UBE2K: variants seen among roughly 807,000 people sequenced by gnomAD.
UBE2K encodes the protein ubiquitin-conjugating enzyme E2 K.
Under a neutral mutation model 30.0 loss-of-function variants are expected in UBE2K, and 6 were observed. The observed-to-expected ratio is 0.20, with a 90% CI of 0.11 to 0.39. The LOEUF (loss-of-function observed/expected upper bound fraction) is 0.39. Ranked by LOEUF, UBE2K falls within the 10% of genes least tolerant of loss-of-function variation. The probability of loss-of-function intolerance (pLI) is 1.00; values close to 1 mark genes in which losing one functional copy is unlikely to be tolerated. For missense variants in UBE2K, 61 were observed against 241.6 expected (o/e 0.25, Z 4.96); for synonymous variants, 86 against 83.7 (o/e 1.03, Z -0.15).
intron 1 of UBE2K, among the ~76,000 whole-genome samples, chr4:39,702,672 A>C (rs1029447089): frequency 6.6e-6 from 1 of 151,960 alleles, no homozygotes; most frequent in African/African-American, 2.4e-5. Context: ...TTTTGTGTCT[A>C]TTTTCCTTTA....
At chr4:39,775,819 T>C (rs867110790) in intron 5 of UBE2K, among the ~76,000 whole-genome samples, 2 of 152,166 alleles carry the variant, frequency 1.3e-5, no homozygotes, top group Non-Finnish European at 2.9e-5. Flanking sequence ...TTTTTAAACT[T>C]AGAAAGTTTT....
At chr4:39,759,320 A>T (rs963291450) in intron 4 of UBE2K, among the ~76,000 whole-genome samples, 1 of 152,114 alleles carries the variant, frequency 6.6e-6, no homozygotes, top group Admixed American at 6.6e-5. Context: ...TCTGTCACCC[A>T]GGCTGGAGTG....
chr4:39,741,395 CTA>C (rs1240435502), intron 2 of UBE2K, among the ~76,000 whole-genome samples: 1 of 151,988 alleles, frequency 6.6e-6, no homozygotes, highest in African/African-American at 2.4e-5. Context: ...TTATATAAAA[CTA>C]TTGAGAGAAG....
chr4:39,728,424 A>G (rs373307960), intron 1 of UBE2K, among the ~76,000 whole-genome samples: 8 of 152,174 alleles, frequency 5.3e-5, no homozygotes, highest in Non-Finnish European at 1.0e-4. Context: ...GCGGTGAGCT[A>G]TGATTGTACC....
rs1560343969 is a variant in UBE2K, at chr4:39,714,565, T to TTTTTTTTTTTA, written c.63+16175_63+16176insTTTTTTTTTTA. The TTTTTTTTTTTA allele has an allele frequency of 2.4e-5, 3 of 127,450 alleles. 1 individual carries two copies. Among genetic ancestry groups the TTTTTTTTTTTA allele is most frequent in the Admixed American group, 1.6e-4 (2 of 12,362 alleles). The allele number at this position is 127,450 out of a possible 1,614,324, so 7.9% of individuals were successfully genotyped here. ...ATATATATATATTTTTTTTTTTTTT[T>TTTTTTTTTTTA]AAGACTGAGTCTCTCTCTGTTGCCA... On this transcript the variant is annotated intron_variant, in intron 1 of 6. Transcript: ENST00000261427.
chr4:39,753,249 G>A (rs1382758155), intron 3 of UBE2K, among the ~76,000 whole-genome samples: 2 of 152,108 alleles, frequency 1.3e-5, no homozygotes, highest in Non-Finnish European at 2.9e-5. Flanking sequence ...AATTGGCTGG[G>A]TGTGGTGGTG....
At chr4:39,713,974 C>G (rs1718861952) in intron 1 of UBE2K, 1 of 152,112 alleles carries the variant, frequency 6.6e-6, no homozygotes, top group Admixed American at 6.6e-5. Context: ...GCTGCAACCT[C>G]AACCTCCTGG....
intron 4 of UBE2K, among the ~76,000 whole-genome samples, chr4:39,760,434 T>C (rs1049492293): frequency 3.3e-5 from 5 of 152,124 alleles, no homozygotes; most frequent in Non-Finnish European, 7.3e-5. Flanking sequence ...ATTGATACAT[T>C]GTGATCACAC....
intron 1 of UBE2K, among the ~76,000 whole-genome samples, chr4:39,720,059 A>C (rs1370881078): frequency 6.6e-6 from 1 of 152,216 alleles, no homozygotes; most frequent in African/African-American, 2.4e-5. Context: ...ATTGCTTAGC[A>C]CCATTGCCTG....
At chr4:39,760,859 A>G (rs1578489441) in intron 4 of UBE2K, 1 of 152,248 alleles carries the variant, frequency 6.6e-6, no homozygotes, top group East Asian at 1.9e-4. Flanking sequence ...GAGTAGGAGG[A>G]GCAGAAGTGA....
chr4:39,709,149 G>T (rs1159839297), intron 1 of UBE2K, among the ~76,000 whole-genome samples: 4 of 151,902 alleles, frequency 2.6e-5, no homozygotes, highest in Non-Finnish European at 5.9e-5. Context: ...GAGAGTCCTT[G>T]CGGTGCTTAG....
At chr4:39,712,080 G>GA (rs754469419) in intron 1 of UBE2K, among the ~76,000 whole-genome samples, 1 of 141,990 alleles carries the variant, frequency 7.0e-6, no homozygotes, top group Non-Finnish European at 1.5e-5. Flanking sequence ...ACTATCTCAG[G>GA]AAAAAAAGAG....
At chr4:39,721,756 AAT>A (rs1198799293) in intron 1 of UBE2K, among the ~76,000 whole-genome samples, 1 of 152,188 alleles carries the variant, frequency 6.6e-6, no homozygotes, top group Non-Finnish European at 1.5e-5. Context: ...TCATGAATAT[AAT>A]TCACTACCAA....
At chr4:39,770,906 C>G in intron 4 of UBE2K, 1 of 1,544,848 alleles carries the variant, frequency 6.5e-7, no homozygotes. Flanking sequence ...TCACTGGCCG[C>G]AGGAGTGGAG....
chr4:39,731,293 G>A (rs1046310435), intron 1 of UBE2K, among the ~76,000 whole-genome samples: 3 of 152,148 alleles, frequency 2.0e-5, no homozygotes, highest in African/African-American at 7.2e-5. Flanking sequence ...CTTGTTTTTA[G>A]TAAGGATCAT....
chr4:39,753,356 A>G (rs566357547), intron 3 of UBE2K, among the ~76,000 whole-genome samples: 86 of 117,518 alleles, frequency 7.3e-4, no homozygotes, highest in African/African-American at 2.3e-3. Flanking sequence ...TCTGGGGGGG[A>G]AAAAAGGGAG....
At chr4:39,739,730 C>CCACCG (rs2109352529) in intron 2 of UBE2K, among the ~76,000 whole-genome samples, 2 of 152,262 alleles carry the variant, frequency 1.3e-5, no homozygotes, top group Admixed American at 1.3e-4. Context: ...CAGGCGTGAG[C>CCACCG]CACCGCACCG....
rs762653018 is a variant in UBE2K at position 39,770,020 on chromosome 4, A to T, written c.300-4814A>T. On this transcript the variant is annotated intron_variant, in intron 4 of 6. Coordinates refer to ENST00000261427, the MANE Select transcript of UBE2K (RefSeq NM_005339.5). ...CCCCACCCACCAATTCTCCTGGGCC[A>T]AAGAGCCCTTTCCCCACCTAGCCCA... is the stretch of plus-strand genomic sequence containing the variant. 3.6e-6 allele frequency: 5 copies of T among 1,378,808 alleles called. No individual in the cohort carries two copies. In the African/African-American group the frequency reaches 7.2e-5, roughly 20 times the overall value. 85.4% of individuals were successfully genotyped at this position (1,378,808 alleles called of 1,614,324 possible). A position where few individuals can be genotyped will look rare whatever the true frequency, so the allele number is the denominator to read the frequency against.
At position 39,759,826 on chromosome 4, in the gene UBE2K, A is replaced by G. The variant is rs531635370; in HGVS notation, c.299+4087A>G. Among the ~76,000 whole-genome samples, 13 of 152,244 alleles carry G rather than the reference A, an allele frequency of 8.5e-5. 1 individual carries two copies. In the East Asian group the frequency reaches 2.3e-3, roughly 27 times the overall value. On this transcript the variant is annotated intron_variant, in intron 4 of 6. Coordinates refer to ENST00000261427, the MANE Select transcript of UBE2K (RefSeq NM_005339.5). Reference sequence around the variant, plus strand: ...GGGAAATGCAAATGAAAATCACAATAAGATAACTACTACATGCCTGTAAAC... The same window carrying G: ...GGGAAATGCAAATGAAAATCACAATGAGATAACTACTACATGCCTGTAAAC...
Sources: gnomAD v4.1 joint callset for allele counts (sites outside exome capture counted in the v4.1 genomes callset) on GRCh38, gnomAD v4.1.1 for gene constraint, MANE v1.5 for transcripts, NCBI Gene and HGNC (gene_info 2026-07-23, HGNC 2026-07-21) for gene names.